The following SLC38A6 variants were observed in gnomAD, a reference collection of about 807,000 sequenced individuals.
SLC38A6 encodes N system amino acid transporter NAT-1.
A neutral mutation model predicts 65.0 loss-of-function variants in SLC38A6; 73 were observed. The ratio of observed to expected loss-of-function variants is 1.12; its 90% CI spans 0.93 to 1.37. The LOEUF (loss-of-function observed/expected upper bound fraction) is 1.37. SLC38A6 is among the 40% of genes most tolerant of loss of function. The pLI, the probability that SLC38A6 is intolerant of heterozygous loss-of-function variation, is 0.00. For synonymous variants in SLC38A6, 183 were observed against 178.8 expected (o/e 1.02, Z -0.19); for missense variants, 561 against 531.1 (o/e 1.06, Z -0.55).
rs573279513 is a variant in SLC38A6, at chr14:61,060,929, C to T, written c.1290+8794C>T. Among the ~76,000 whole-genome samples, 6 of 149,422 alleles carry T rather than the reference C, an allele frequency of 4.0e-5. No individual in the cohort carries two copies. The South Asian group carries it at 1.3e-3, about 32-fold the overall frequency. ...CTTTCTTTGACTCGGAAAGGGAACT[C>T]CCTGACCCCTTGCGCTTCCCAGGTG... On this transcript the variant is annotated intron_variant, in intron 15 of 16. Transcript: ENST00000354886.
chr14:61,010,512 T>G (rs1179217242), intron 3 of SLC38A6, among the ~76,000 whole-genome samples: 1 of 152,234 alleles, frequency 6.6e-6, no homozygotes, highest in Admixed American at 6.5e-5. Context: ...TTTTATGGTT[T>G]TAGGTCTAAC....
rs78813826 is a variant in SLC38A6 at position 61,046,432 on chromosome 14, T to G, written c.925+265T>G. On this transcript the variant is annotated intron_variant, in intron 12 of 15. Coordinates refer to ENST00000267488, the MANE Select transcript of SLC38A6 (RefSeq NM_153811.3). ...AACTTCAGGCTTAGGGACATGATTC[T>G]TTCTATAAGAAAAAATGTGCAATTT... Among the ~76,000 whole-genome samples, 1,126 of 152,338 alleles carry G rather than the reference T, an allele frequency of 7.4e-3. 13 individuals are homozygous for G. The highest frequency in any genetic ancestry group is 0.026 in the African/African-American group (1,073 of 41,580).
At chr14:61,011,307 A>G (rs2039547374) in intron 3 of SLC38A6, among the ~76,000 whole-genome samples, 1 of 152,190 alleles carries the variant, frequency 6.6e-6, no homozygotes, top group Non-Finnish European at 1.5e-5. Context: ...TTCGAGATAT[A>G]CAATCATGTC....
At position 61,046,087 on chromosome 14, in the gene SLC38A6, A is replaced by C. The variant is rs781367284; in HGVS notation, c.845A>C (p.Gln282Pro). The C allele has an allele frequency of 1.2e-6, 2 of 1,609,134 alleles. No homozygotes were observed. Among genetic ancestry groups the C allele is most frequent in the Non-Finnish European group, 1.7e-6 (2 of 1,176,484 alleles). Residue 282 changes from glutamine (Q) to proline (P), a missense_variant, in exon 12 of 16, where the codon CAG (glutamine) becomes CCG (proline). By Grantham distance (76) the Gln-to-Pro change is moderately conservative. Coordinates refer to ENST00000267488, the MANE Select transcript of SLC38A6 (RefSeq NM_153811.3). Reference protein sequence around the residue: ...ELQSPSKKRMQNVTNTAIALS... With the variant: ...ELQSPSKKRMPNVTNTAIALS... ...TTTAGTCCTTCAAAGAAAAGAATGC[A>C]GAATGTTACCAATACAGCAATTGCT...
At chr14:61,068,591 C>T (rs557548925) in intron 15 of SLC38A6, among the ~76,000 whole-genome samples, 69 of 152,302 alleles carry the variant, frequency 4.5e-4, no homozygotes, top group Non-Finnish European at 6.8e-4. Context: ...ATTTAAGCCT[C>T]GGGTCAACTG....
chr14:60,983,761 C>T (rs2037252493), intron 2 of SLC38A6, among the ~76,000 whole-genome samples: 1 of 152,128 alleles, frequency 6.6e-6, no homozygotes, highest in Admixed American at 6.5e-5. Context: ...TATGTGACAC[C>T]TTAAGCAAGA....
chr14:61,079,674 A>G (rs1267882231), intron 16 of SLC38A6, among the ~76,000 whole-genome samples: 2 of 151,906 alleles, frequency 1.3e-5, no homozygotes, highest in Admixed American at 6.6e-5. Flanking sequence ...ATGTCTAACC[A>G]CCCTGCGACA....
intron 2 of SLC38A6, among the ~76,000 whole-genome samples, chr14:60,984,390 A>C (rs2037298339): frequency 6.6e-6 from 1 of 152,218 alleles, no homozygotes; most frequent in Non-Finnish European, 1.5e-5. Context: ...TAAAATAAGA[A>C]GAAAACCAGT....
In SLC38A6 at chr14:61,043,149, A is replaced by T; in HGVS notation, c.627A>T (p.Val209=). The change falls in exon 9 of 16, where the codon GTA becomes GTT. Residue 209 remains valine, a splice_region_variant and synonymous_variant. Transcript: ENST00000267488. ...GCTGATTCTGTTTACTTTTTTAGGT[A>T]ATAATTAAAAAATGGTCCATCCCTT... ...FFFMMFFALV[V]IIKKWSIPCP... 6.6e-7 allele frequency: 1 copy of T among 1,521,702 alleles called. No homozygotes were observed. Among genetic ancestry groups the T allele is most frequent in the Non-Finnish European group, 9.0e-7 (1 of 1,115,502 alleles). The allele number at this position is 1,521,702 out of a possible 1,614,324, so 94.3% of individuals were successfully genotyped here. A position where few individuals can be genotyped will look rare whatever the true frequency, so the allele number is the denominator to read the frequency against.
At chr14:61,033,211 A>G (rs2041122052) in intron 6 of SLC38A6, among the ~76,000 whole-genome samples, 1 of 152,002 alleles carries the variant, frequency 6.6e-6, no homozygotes, top group Admixed American at 6.6e-5. Flanking sequence ...AATTCAGAAC[A>G]TATGATACTC....
At chr14:61,083,185 C>T (rs988954015) in intron 16 of SLC38A6, among the ~76,000 whole-genome samples, 5 of 152,290 alleles carry the variant, frequency 3.3e-5, no homozygotes, top group African/African-American at 1.2e-4. Context: ...GAGAGCAGCA[C>T]CAGTGGGAGC....
At chr14:61,014,296 T>C (rs1020839893) in intron 3 of SLC38A6, among the ~76,000 whole-genome samples, 1 of 152,198 alleles carries the variant, frequency 6.6e-6, no homozygotes, top group Non-Finnish European at 1.5e-5. Context: ...TAATTTTTTT[T>C]CAAGGTTTTT....
chr14:61,055,117 TC>T (rs200804249), downstream of SLC38A6, among the ~76,000 whole-genome samples: 680 of 128,992 alleles, frequency 5.3e-3, 25 homozygotes, highest in African/African-American at 9.4e-3. Flanking sequence ...TTTTTTTTTT[TC>T]TTTTTTTTTT....
intron 8 of SLC38A6, 57 bp from the exon 9 acceptor site, chr14:61,043,090 G>A: frequency 1.8e-6 from 2 of 1,104,142 alleles, no homozygotes; most frequent in South Asian, 1.4e-5. Flanking sequence ...TTTCAATTCA[G>A]TTTCTTATTA....
Position 61,079,176 on chromosome 14 carries a change from C to T in SLC38A6, c.1408+249C>T, listed in dbSNP as rs528051764. Among the ~76,000 whole-genome samples the T allele has an allele frequency of 5.4e-5, 7 of 128,518 alleles. No homozygotes were observed. The South Asian group carries it at 1.4e-3, about 26-fold the overall frequency. 84.3% of individuals were successfully genotyped at this position (128,518 alleles called of 152,430 possible). A position where few individuals can be genotyped will look rare whatever the true frequency, so the allele number is the denominator to read the frequency against. On this transcript the variant is annotated intron_variant, in intron 16 of 16. Coordinates refer to the SLC38A6 transcript ENST00000354886. ...TTTTTGAGACAGAGTCTCGCTCTGT[C>T]GCCCAGGCTGGAGTGCAGTGGCGGG...
In SLC38A6 at chr14:60,981,655, G is replaced by A. The variant is rs749563236; in HGVS notation, c.105+273G>A. On this transcript the variant is annotated intron_variant, in intron 1 of 15. Transcript: ENST00000267488. ...TGAGTGGAAGCTGCGAACATGATGG[G>A]ATGAGCGGCCCTAGGATTATGTACT... 28 of 1,432,010 alleles carry A rather than the reference G, an allele frequency of 2.0e-5. No individual in the cohort carries two copies. In the Admixed American group the frequency reaches 2.1e-4, roughly 11 times the overall value. 88.7% of individuals were successfully genotyped at this position (1,432,010 alleles called of 1,614,324 possible).
At chr14:60,984,651 CAAT>C in intron 2 of SLC38A6, 76 bp from the exon 3 acceptor site, 1 of 1,113,362 alleles carries the variant, frequency 9.0e-7, no homozygotes. Context: ...GACTGTTAAG[CAAT>C]TTGTTTTTGT....
At chr14:60,983,631 T>G (rs2037240925) in intron 2 of SLC38A6, among the ~76,000 whole-genome samples, 2 of 152,258 alleles carry the variant, frequency 1.3e-5, no homozygotes, top group African/African-American at 4.8e-5. Flanking sequence ...GTCTCTTTTA[T>G]GTTTATTTCC....
At chr14:61,064,606 A>C (rs962922791) in intron 15 of SLC38A6, among the ~76,000 whole-genome samples, 1 of 148,492 alleles carries the variant, frequency 6.7e-6, no homozygotes, top group Non-Finnish European at 1.5e-5. Context: ...TTCTCTGTGC[A>C]TTTAGATGAG....
Sources: gnomAD v4.1 joint callset for allele counts (sites outside exome capture counted in the v4.1 genomes callset) on GRCh38, gnomAD v4.1.1 for gene constraint, MANE v1.5 for transcripts, NCBI Gene and HGNC (gene_info 2026-07-23, HGNC 2026-07-21) for gene names.